Variants in SEMA3A observed in about 807,000 individuals in gnomAD.
SEMA3A encodes the protein semaphorin 3A, also known as semaphorin-3A.
SEMA3A carries 29 observed loss-of-function variants against 97.9 expected under a neutral mutation model. That is an observed-to-expected ratio of 0.30 (90% CI 0.22 to 0.40). SEMA3A has a LOEUF of 0.40. Among genes scored for constraint, SEMA3A ranks in the 10% least tolerant of loss-of-function variants. SEMA3A has a pLI of 1.00. For missense variants in SEMA3A, 763 were observed against 951.3 expected (o/e 0.80, Z 2.60); for synonymous variants, 321 against 323.7 (o/e 0.99, Z 0.09).
rs774722826 is a variant in SEMA3A, at chr7:83,958,273, C to T, written c.*3098G>A. ...TATGTAGCAACCTGACTCTGGTTCT[C>T]AACATTTTATGAGCTTATGTTCCTT... On this transcript the variant is annotated 3_prime_UTR_variant, in exon 17 of 17. Transcript: ENST00000265362. The T allele has an allele frequency of 4.6e-5, 7 of 152,532 alleles. No homozygotes were observed. The South Asian group carries it at 6.2e-4, about 14-fold the overall frequency. The allele number at this position is 152,532 out of a possible 1,614,324, so 9.4% of individuals were successfully genotyped here.
At chr7:83,965,137 C>T (rs1422899737) in intron 15 of SEMA3A, among the ~76,000 whole-genome samples, 1 of 145,856 alleles carries the variant, frequency 6.9e-6, no homozygotes, top group Non-Finnish European at 1.5e-5. Flanking sequence ...GATGGGGTTT[C>T]GCCATTTTAG....
At chr7:84,482,520 T>C (rs1422289895) in intron 1 of SEMA3A, among the ~76,000 whole-genome samples, 2 of 152,034 alleles carry the variant, frequency 1.3e-5, no homozygotes, top group African/African-American at 4.8e-5. Flanking sequence ...CCAGGGCCCT[T>C]CCTAAAAAAA....
chr7:83,989,711 C>A (rs1344104306), intron 12 of SEMA3A, among the ~76,000 whole-genome samples: 1 of 136,542 alleles, frequency 7.3e-6, no homozygotes, highest in Non-Finnish European at 1.6e-5. Context: ...TTAATCCAGT[C>A]TATCATTGTT....
chr7:83,996,408 T>A (rs533931406), intron 12 of SEMA3A, among the ~76,000 whole-genome samples: 149 of 151,440 alleles, frequency 9.8e-4, no homozygotes, highest in African/African-American at 3.4e-3. Context: ...GTTCAAGCGA[T>A]TCTCCTGCCT....
At chr7:83,980,637 T>C (rs202115027) in intron 14 of SEMA3A, among the ~76,000 whole-genome samples, 1 of 79,076 alleles carries the variant, frequency 1.3e-5, no homozygotes, top group East Asian at 5.6e-4. Flanking sequence ...TATATATATA[T>C]ATACACACAC....
At chr7:84,465,777 T>A (rs1805974296) in intron 1 of SEMA3A, among the ~76,000 whole-genome samples, 1 of 152,160 alleles carries the variant, frequency 6.6e-6, no homozygotes, top group African/African-American at 2.4e-5. Flanking sequence ...AAATCTACTC[T>A]ACTCATTTTG....
intron 3 of SEMA3A, among the ~76,000 whole-genome samples, chr7:84,271,025 A>T (rs1226830664): frequency 6.6e-6 from 1 of 152,042 alleles, no homozygotes; most frequent in Non-Finnish European, 1.5e-5. Context: ...TCCGGAATCA[A>T]TTTGCTATTA....
chr7:84,412,639 A>G (rs925012671), intron 1 of SEMA3A, among the ~76,000 whole-genome samples: 6 of 152,186 alleles, frequency 3.9e-5, no homozygotes, highest in African/African-American at 7.2e-5. Context: ...CTGATGAGCA[A>G]TCTTTGTAGT....
intron 3 of SEMA3A, among the ~76,000 whole-genome samples, chr7:84,217,979 G>A (rs1437121820): frequency 6.6e-6 from 1 of 151,696 alleles, no homozygotes; most frequent in African/African-American, 2.4e-5. Context: ...CAGCTACTTG[G>A]GAAGCTAAGG....
At chr7:84,398,223 C>T (rs1162815888) in intron 1 of SEMA3A, among the ~76,000 whole-genome samples, 1 of 152,124 alleles carries the variant, frequency 6.6e-6, no homozygotes, top group Non-Finnish European at 1.5e-5. Flanking sequence ...TTTCATTCCA[C>T]CTCTCATTAT....
intron 1 of SEMA3A, among the ~76,000 whole-genome samples, chr7:84,403,013 T>C (rs952535676): frequency 3.3e-5 from 5 of 151,950 alleles, no homozygotes; most frequent in Non-Finnish European, 5.9e-5. Context: ...ACTGAGGTAA[T>C]GGGTTCATCT....
At chr7:84,185,960 T>C (rs1277282353) in intron 1 of SEMA3A, among the ~76,000 whole-genome samples, 1 of 152,158 alleles carries the variant, frequency 6.6e-6, no homozygotes, top group Non-Finnish European at 1.5e-5. Flanking sequence ...TAGGTGTCAC[T>C]TGTCCCTCCT....
intron 3 of SEMA3A, among the ~76,000 whole-genome samples, chr7:84,223,208 G>A (rs1462299403): frequency 2.0e-5 from 3 of 151,792 alleles, no homozygotes. Context: ...TTTAGTTAAT[G>A]TTTCACGAAG....
At position 83,963,317 on chromosome 7, in the gene SEMA3A, C is replaced by A. The variant is rs1386559979; in HGVS notation, c.1748G>T (p.Arg583Ile). The A allele has an allele frequency of 1.9e-6, 3 of 1,613,508 alleles. No individual in the cohort carries two copies. In the African/African-American group the frequency reaches 4.0e-5, roughly 22 times the overall value. The part of the protein sequence containing the change: ...DNHHGHSPEE[R>I]IIYGVENSST... ...ACTATTCTCTACACCATAGATGATT[C>A]TCTCTTCAGGGCTGTGGCCATGGTG... is the stretch of plus-strand genomic sequence containing the variant. Residue 583 changes from arginine to isoleucine, a missense_variant, in exon 16 of 17, where the codon AGA (arginine) becomes ATA (isoleucine). Transcript: ENST00000265362.
intron 10 of SEMA3A, 46 bp from the exon 11 acceptor site, chr7:84,005,604 A>T: frequency 7.9e-7 from 1 of 1,258,090 alleles, no homozygotes; most frequent in Non-Finnish European, 1.1e-6. Context: ...AATCTAATAA[A>T]CATAATTATA....
chr7:84,394,150 T>C (rs771626481), intron 1 of SEMA3A, among the ~76,000 whole-genome samples: 3 of 143,034 alleles, frequency 2.1e-5, no homozygotes, highest in South Asian at 4.5e-4. Context: ...AAATAGCAGA[T>C]AAAGAATTAG....
intron 5 of SEMA3A, among the ~76,000 whole-genome samples, chr7:84,059,407 C>T (rs1793125865): frequency 6.6e-6 from 1 of 151,844 alleles, no homozygotes; most frequent in African/African-American, 2.4e-5. Context: ...CTAGAAAATA[C>T]AGAAAAAATA....
intron 2 of SEMA3A, among the ~76,000 whole-genome samples, chr7:84,311,825 C>T (rs1208831278): frequency 6.6e-6 from 1 of 151,776 alleles, no homozygotes; most frequent in Non-Finnish European, 1.5e-5. Context: ...CAAGTATCTC[C>T]CAATATGCAT....
At chr7:84,008,468 G>A (rs1410475759) in intron 9 of SEMA3A, among the ~76,000 whole-genome samples, 1 of 136,286 alleles carries the variant, frequency 7.3e-6, no homozygotes, top group African/African-American at 2.9e-5. Flanking sequence ...TCCAGCCTGG[G>A]CTACAGAACA....
Sources: gnomAD v4.1 joint callset for allele counts (sites outside exome capture counted in the v4.1 genomes callset) on GRCh38, gnomAD v4.1.1 for gene constraint, MANE v1.5 for transcripts, NCBI Gene and HGNC (gene_info 2026-07-23, HGNC 2026-07-21) for gene names.